Variants in RALYL observed in about 807,000 individuals in gnomAD.
The protein encoded by RALYL is RNA-binding Raly-like protein.
RALYL carries 29 observed loss-of-function variants against 35.1 expected under a neutral mutation model. The ratio of observed to expected loss-of-function variants is 0.83; its 90% CI spans 0.61 to 1.13. RALYL has a LOEUF of 1.13. RALYL is among the 50% of genes most tolerant of loss of function. The pLI, the probability that RALYL is intolerant of heterozygous loss-of-function variation, is 0.00. For synonymous variants in RALYL, 120 were observed against 127.6 expected (o/e 0.94, Z 0.40); for missense variants, 359 against 360.4 (o/e 1.00, Z 0.03).
At chr8:84,841,812 A>T (rs913320368) in intron 4 of RALYL, among the ~76,000 whole-genome samples, 9 of 152,182 alleles carry the variant, frequency 5.9e-5, no homozygotes, top group African/African-American at 1.4e-4. Context: ...GGATTAAGAA[A>T]CTCACTCAAA....
intron 3 of RALYL, among the ~76,000 whole-genome samples, 158 bp from the exon 4 acceptor site, chr8:84,804,612 G>T (rs1238092883): frequency 6.6e-6 from 1 of 152,036 alleles, no homozygotes; most frequent in Non-Finnish European, 1.5e-5. Context: ...AATTAGTCCA[G>T]ATTAGGTCTT....
intron 1 of RALYL, among the ~76,000 whole-genome samples, chr8:84,356,438 TATTGCCTC>T (rs1851846396): frequency 6.6e-6 from 1 of 150,446 alleles, no homozygotes; most frequent in Non-Finnish European, 1.5e-5. Context: ...ATTCCATGCC[TATTGCCTC>T]ATTGCTACAT....
At chr8:84,718,719 C>T (rs943426769) in intron 2 of RALYL, among the ~76,000 whole-genome samples, 3 of 151,432 alleles carry the variant, frequency 2.0e-5, no homozygotes, top group East Asian at 1.9e-4. Context: ...GAGCCGAGAT[C>T]GCACCACTGC....
intron 2 of RALYL, among the ~76,000 whole-genome samples, chr8:84,678,256 G>GTT (rs145771186): frequency 6.6e-6 from 1 of 151,506 alleles, no homozygotes; most frequent in African/African-American, 2.4e-5. Flanking sequence ...TTTTTTTGTT[G>GTT]TTTTTTTGTT....
intron 1 of RALYL, among the ~76,000 whole-genome samples, chr8:84,459,690 CTATAAATAA>C (rs1180592842): frequency 9.2e-5 from 14 of 151,650 alleles, no homozygotes; most frequent in Non-Finnish European, 1.6e-4. Flanking sequence ...TCTATTTTCT[CTATAAATAA>C]AATTGCTGAA....
intron 1 of RALYL, among the ~76,000 whole-genome samples, chr8:84,503,927 A>G (rs1460991941): frequency 6.6e-6 from 1 of 152,004 alleles, no homozygotes; most frequent in Non-Finnish European, 1.5e-5. Flanking sequence ...AAAAGTAAAG[A>G]CAAAATAATC....
chr8:84,697,550 AC>A (rs765912818), intron 2 of RALYL, among the ~76,000 whole-genome samples: 9 of 152,190 alleles, frequency 5.9e-5, no homozygotes, highest in Non-Finnish European at 1.3e-4. Context: ...ATTAGGCTTT[AC>A]TTGAATATCT....
chr8:84,329,526 G>T (rs2130661147), intron 1 of RALYL, among the ~76,000 whole-genome samples: 1 of 152,068 alleles, frequency 6.6e-6, no homozygotes, highest in Non-Finnish European at 1.5e-5. Context: ...TGCATAGTTT[G>T]CAAATATTTT....
intron 1 of RALYL, among the ~76,000 whole-genome samples, chr8:84,278,766 A>G (rs1835933227): frequency 6.6e-6 from 1 of 152,184 alleles, no homozygotes; most frequent in Non-Finnish European, 1.5e-5. Flanking sequence ...AGACCACCTC[A>G]ACCTGGACTT....
In RALYL at chr8:84,433,608, T is replaced by G. The variant is rs909792750; in HGVS notation, c.-23-95691T>G. Among the ~76,000 whole-genome samples, 3 of 151,992 alleles carry G rather than the reference T, an allele frequency of 2.0e-5. No individual in the cohort carries two copies. The East Asian group carries it at 5.8e-4, about 29-fold the overall frequency. On this transcript the variant is annotated intron_variant, in intron 1 of 8. Transcript: ENST00000521268. ...ATAGGTCTCACGAGATCTGTTGGGT[T>G]TATCAGGGGGTTCTGCTTTTGCTCC...
At chr8:84,277,041 A>G (rs1365180436) in intron 1 of RALYL, among the ~76,000 whole-genome samples, 4 of 152,342 alleles carry the variant, frequency 2.6e-5, no homozygotes, top group Non-Finnish European at 5.9e-5. Context: ...TCATCTCTGT[A>G]TATTTTTATA....
intron 1 of RALYL, among the ~76,000 whole-genome samples, chr8:84,229,276 T>G (rs1364089159): frequency 6.6e-6 from 1 of 152,138 alleles, no homozygotes; most frequent in Non-Finnish European, 1.5e-5. Context: ...TCATAACAGA[T>G]GCATACATAA....
chr8:84,416,252 G>C (rs2044684196), intron 1 of RALYL, among the ~76,000 whole-genome samples: 1 of 152,108 alleles, frequency 6.6e-6, no homozygotes, highest in African/African-American at 2.4e-5. Flanking sequence ...ACCTCATTCT[G>C]GTCCTCATCA....
chr8:84,764,311 C>A (rs530179541), intron 2 of RALYL, among the ~76,000 whole-genome samples: 2 of 152,240 alleles, frequency 1.3e-5, no homozygotes, highest in East Asian at 1.9e-4. Flanking sequence ...TTTACCCAAA[C>A]TTTAGCATGG....
At chr8:84,720,304 A>G (rs1300270932) in intron 2 of RALYL, among the ~76,000 whole-genome samples, 1 of 152,186 alleles carries the variant, frequency 6.6e-6, no homozygotes, top group Non-Finnish European at 1.5e-5. Flanking sequence ...TGTCATAAAA[A>G]TAGACACATA....
intron 2 of RALYL, among the ~76,000 whole-genome samples, chr8:84,702,650 C>G (rs1002449287): frequency 1.3e-5 from 2 of 151,428 alleles, no homozygotes; most frequent in Non-Finnish European, 2.9e-5. Flanking sequence ...CCTCTCTCTC[C>G]TTCCTTTCTT....
At chr8:84,251,178 A>G (rs1353580862) in intron 1 of RALYL, among the ~76,000 whole-genome samples, 2 of 152,082 alleles carry the variant, frequency 1.3e-5, no homozygotes, top group Admixed American at 6.6e-5. Context: ...TTTTCTTTAC[A>G]TAATTAAGAA....
intron 2 of RALYL, among the ~76,000 whole-genome samples, chr8:84,751,996 G>T (rs1810155892): frequency 6.6e-6 from 1 of 152,196 alleles, no homozygotes; most frequent in Admixed American, 6.5e-5. Context: ...AACAGGCAGA[G>T]GTCGGAACAG....
At chr8:84,835,939 A>G (rs1022987940) in intron 4 of RALYL, among the ~76,000 whole-genome samples, 1 of 152,130 alleles carries the variant, frequency 6.6e-6, no homozygotes, top group African/African-American at 2.4e-5. Flanking sequence ...TGAATAGTGA[A>G]AGAATGTCAG....
Sources: allele counts gnomAD v4.1 joint callset (sites outside exome capture counted in the v4.1 genomes callset), GRCh38; gene constraint gnomAD v4.1.1; transcripts MANE v1.5; gene names NCBI Gene and HGNC (gene_info 2026-07-23, HGNC 2026-07-21).